The following MGAM variants were observed in gnomAD, a reference collection of about 807,000 sequenced individuals.
The protein encoded by MGAM is maltase-glucoamylase.
Under a neutral mutation model 358.8 loss-of-function variants are expected in MGAM, and 253 were observed. That is an observed-to-expected ratio of 0.71 (90% confidence interval 0.64 to 0.78). MGAM has a LOEUF of 0.78. Ranked by LOEUF, MGAM falls within the 30% of genes least tolerant of loss-of-function variation. The pLI is 0.00. For synonymous variants in MGAM, 1,105 were observed against 1,227.1 expected, an observed-to-expected ratio of 0.90 and a Z score of 2.08; for missense variants, 3,080 against 3,432.6, an observed-to-expected ratio of 0.90 and a Z score of 2.57.
Position 142,092,009 on chromosome 7 carries a change from A to G in MGAM, c.6907A>G (p.Asn2303Asp). 6.5e-7 allele frequency: 1 copy of G among 1,535,468 alleles called. No homozygotes were observed. The highest frequency in any genetic ancestry group is 8.9e-7 in the Non-Finnish European group (1 of 1,121,262). Residue 2303 changes from asparagine to aspartate, a missense_variant, in exon 58 of 71, where the codon AAT (asparagine) becomes GAT (aspartate). Asn to Asp is a conservative substitution (Grantham distance 23). Coordinates refer to ENST00000475668, the MANE Select transcript of MGAM (RefSeq NM_001365693.1). ...AGAAGAACTATACAACAATCCACAGAATCCAGAGAGGAGCTTGAAGTTTGA... is the reference window on the plus strand; with the variant it reads ...AGAAGAACTATACAACAATCCACAGGATCCAGAGAGGAGCTTGAAGTTTGA... ...EIEELYNNPQ[N>D]PERSLKFDGM...
intron 70 of MGAM, among the ~76,000 whole-genome samples, chr7:142,105,462 A>AT (rs1331790569): frequency 9.2e-5 from 14 of 151,904 alleles, no homozygotes; most frequent in Admixed American, 9.2e-4. Context: ...TAATTTTTGT[A>AT]TTTTTATTAG....
chr7:142,084,490 A>C (rs1373506337), intron 53 of MGAM, 29 bp from the exon 54 acceptor site: 1 of 1,549,198 alleles, frequency 6.5e-7, no homozygotes, highest in East Asian at 2.3e-5. Flanking sequence ...CTCTGTTCTG[A>C]GGACTAATAT....
chr7:142,008,201 C>T (rs1554453087), intron 2 of MGAM, among the ~76,000 whole-genome samples: 1 of 152,148 alleles, frequency 6.6e-6, no homozygotes, highest in Non-Finnish European at 1.5e-5. Context: ...GTTACTGACC[C>T]CTAGACTAAA....
At position 142,076,239 on chromosome 7, in the gene MGAM, T is replaced by C. The variant is rs766754623; in HGVS notation, c.5312T>C (p.Phe1771Ser). ...VAKKVYLLCEFSVTQNHLEVT... is the reference protein window; with the variant it reads ...VAKKVYLLCESSVTQNHLEVT... ...AAGAAAGTATATCTTTTATGTGAGT[T>C]TTCTGTCACTCAAGTGAGTAGCATA... Residue 1771 changes from phenylalanine (F) to serine (S), a missense_variant, in exon 46 of 71, where the codon TTT (phenylalanine) becomes TCT (serine). By Grantham distance (155) the Phe-to-Ser change is radical (BLOSUM62 -2). Transcript: ENST00000475668. 1.9e-5 allele frequency: 30 copies of C among 1,544,328 alleles called. 1 individual carries two copies. The African/African-American group carries it at 3.9e-4, about 20-fold the overall frequency.
intron 2 of MGAM, among the ~76,000 whole-genome samples, chr7:141,986,820 C>T (rs1045137933): frequency 1.3e-5 from 2 of 152,116 alleles, no homozygotes; most frequent in African/African-American, 2.4e-5. Flanking sequence ...ATGACCCTCT[C>T]AATATGCCAC....
chr7:142,050,471 A>G (rs1481513814), intron 23 of MGAM, among the ~76,000 whole-genome samples, 187 bp downstream of exon 23: 1 of 152,212 alleles, frequency 6.6e-6, no homozygotes, highest in African/African-American at 2.4e-5. Context: ...TATAGCAGCT[A>G]GTGTTTCTGA....
chr7:142,095,719 T>C lies in MGAM; in HGVS notation c.7607+6T>C. 1.9e-6 allele frequency: 3 copies of C among 1,612,872 alleles called. No homozygotes were observed. Among genetic ancestry groups the C allele is most frequent in the Non-Finnish European group, 1.7e-6 (2 of 1,179,524 alleles). On this transcript the variant is annotated splice_donor_region_variant and intron_variant, in intron 64 of 70. Coordinates refer to ENST00000475668, the MANE Select transcript of MGAM (RefSeq NM_001365693.1). Reference sequence around the variant, plus strand: ...GTGCGGCCTCTGCTCCATGAGTGAGTGTCCAGCAGGGATCCCAATGCCTAA... The same window carrying C: ...GTGCGGCCTCTGCTCCATGAGTGAGCGTCCAGCAGGGATCCCAATGCCTAA...
In MGAM at chr7:142,032,907, C is replaced by T. The variant is rs1554464350; in HGVS notation, c.1667C>T (p.Pro556Leu). 1.2e-6 allele frequency: 2 copies of T among 1,602,454 alleles called. No homozygotes were observed. The highest frequency in any genetic ancestry group is 1.7e-5 in the Admixed American group (1 of 59,556). ...AACCTAAATAATCCCCCATTCACTC[C>T]CAGTAAGTCTTGGTGGTCAGCAGAT... ...TNNLNNPPFT[P>L]RILDGYLFCK... is the part of the protein sequence containing the mutation. The change falls in exon 14 of 71, where the codon CCC becomes CTC. Residue 556 changes from proline to leucine, a missense_variant and splice_region_variant. Coordinates refer to ENST00000475668, the MANE Select transcript of MGAM (RefSeq NM_001365693.1).
intron 34 of MGAM, 145 bp downstream of exon 34, chr7:142,060,518 A>G (rs111697831): frequency 0.016 from 15,241 of 932,700 alleles, 275 homozygotes; most frequent in East Asian, 0.15. Context: ...GTCATTCTGT[A>G]TGCCTATTAC....
At chr7:141,996,678 A>G (rs770751208) in intron 1 of MGAM, among the ~76,000 whole-genome samples, 7 of 152,200 alleles carry the variant, frequency 4.6e-5, no homozygotes, top group Non-Finnish European at 8.8e-5. Context: ...TAACTGAAGA[A>G]CCAATTATAA....
Position 142,076,698 on chromosome 7 carries a change from G to A in MGAM, c.5365G>A (p.Asp1789Asn). The part of the protein sequence containing the change: ...EVTISQSTYK[D>N]PNNLAFNEIK... ...GACTATTTCACAATCAACCTACAAG[G>A]ACCCCAATAATTTAGCATTCAATGA... Residue 1789 changes from aspartate to asparagine, a missense_variant, in exon 47 of 71, where the codon GAC becomes AAC. Physicochemically the swap from Asp to Asn is conservative, Grantham distance 23. Transcript: ENST00000475668. The A allele has an allele frequency of 6.4e-7, 1 of 1,551,808 alleles. No individual in the cohort carries two copies. Among genetic ancestry groups the A allele is most frequent in the South Asian group, 1.1e-5 (1 of 88,958 alleles).
At position 142,076,453 on chromosome 7, in the gene MGAM, T is replaced by G. The variant is rs764263129; in HGVS notation, c.5325+201T>G. ...AAGTAGTGTTTCTAAATATAGTTTT[T>G]AATTATCTGTGTGTTTTTATGATTG... On this transcript the variant is annotated intron_variant, in intron 46 of 70. Coordinates refer to ENST00000475668, the MANE Select transcript of MGAM (RefSeq NM_001365693.1). 3.5e-6 allele frequency: 3 copies of G among 855,750 alleles called. No homozygotes were observed. In the African/African-American group the frequency reaches 5.0e-5, roughly 14 times the overall value. 53.0% of individuals were successfully genotyped at this position (855,750 alleles called of 1,614,324 possible).
At chr7:142,035,602 C>A (rs576271284) in intron 16 of MGAM, among the ~76,000 whole-genome samples, 2 of 152,046 alleles carry the variant, frequency 1.3e-5, no homozygotes, top group African/African-American at 4.8e-5. Context: ...TTCATTTTAA[C>A]ACTGAGAAAT....
rs1000755527 is a variant in MGAM at position 142,071,027 on chromosome 7, A to G, written c.5095A>G (p.Thr1699Ala). The G allele has an allele frequency of 3.2e-6, 5 of 1,555,836 alleles. No homozygotes were observed. In the African/African-American group the frequency reaches 6.7e-5, roughly 21 times the overall value. The change falls in exon 44 of 71, where the codon ACC (threonine) becomes GCC (alanine). Residue 1699 changes from threonine to alanine, a missense_variant. Thr to Ala is a moderately conservative substitution (Grantham distance 58). This residue lies in a region of MGAM where 932 missense variants were observed against 1,198.2 expected (regional missense o/e 0.78). Coordinates refer to ENST00000475668, the MANE Select transcript of MGAM (RefSeq NM_001365693.1). ...VDINARGEWK[T>A]LPAPLDHINL... ...TATTAATGCAAGAGGAGAGTGGAAG[A>G]CCTTGCCAGCCCCTCTTGACCACAT... is the stretch of plus-strand genomic sequence containing the variant.
In MGAM at chr7:142,054,837, A is replaced by G; in HGVS notation, c.3243A>G (p.Gln1081=). Residue 1081 remains glutamine (Q), a synonymous_variant, in exon 27 of 71, where the codon CAA becomes CAG. Coordinates refer to ENST00000475668, the MANE Select transcript of MGAM (RefSeq NM_001365693.1). ...PSMPSSTPEG[Q]LYDVLIKKNP... ...TGCCATCCAGCACCCCTGAGGGTCA[A>G]CTCTATGATGTGCTCATTAAGAAGA... The G allele has an allele frequency of 6.2e-7, 1 of 1,613,972 alleles. No homozygotes were observed. The highest frequency in any genetic ancestry group is 1.3e-5 in the African/African-American group (1 of 75,026).
chr7:141,995,322 T>C (rs116575166), upstream of MGAM, among the ~76,000 whole-genome samples: 3,557 of 152,014 alleles, frequency 0.023, 147 homozygotes, highest in African/African-American at 0.082. Context: ...TCTTGTTAGA[T>C]TTCTCTTATT....
chr7:141,987,585 C>T (rs1023449630), intron 2 of MGAM, among the ~76,000 whole-genome samples: 5 of 151,222 alleles, frequency 3.3e-5, no homozygotes, highest in East Asian at 2.0e-4. Context: ...CAGGTGTCAG[C>T]GAGGCACAGG....
At chr7:142,084,713 T>C (rs1434173307) in intron 54 of MGAM, 69 bp downstream of exon 54, 2 of 1,502,970 alleles carry the variant, frequency 1.3e-6, no homozygotes, top group African/African-American at 2.7e-5. Context: ...GCTTCATTTG[T>C]CTAATGTTTG....
chr7:142,094,642 C>T lies in MGAM; in HGVS notation c.7329C>T (p.Phe2443=), dbSNP rs114816880. The change falls in exon 62 of 71, where the codon TTC becomes TTT. Residue 2443 remains phenylalanine (F), a synonymous_variant. Coordinates refer to ENST00000475668, the MANE Select transcript of MGAM (RefSeq NM_001365693.1). ...CAGGCATGATGGAGTTCAGCCTCTTCGGCATATCCTATGTGAGTGTCCTTG... is the reference window on the plus strand; with the variant it reads ...CAGGCATGATGGAGTTCAGCCTCTTTGGCATATCCTATGTGAGTGTCCTTG... The part of the protein sequence containing the change: ...SIIGMMEFSL[F]GISYTGADIC... 8,440 of 1,610,972 alleles carry T rather than the reference C, an allele frequency of 5.2e-3. 161 individuals are homozygous for T. The African/African-American group carries it at 0.063, about 12-fold the overall frequency.
Sources: allele counts gnomAD v4.1 joint callset (sites outside exome capture counted in the v4.1 genomes callset), GRCh38; gene constraint gnomAD v4.1.1; regional missense constraint gnomAD v4.1.1; transcripts MANE v1.5; gene names NCBI Gene and HGNC (gene_info 2026-07-23, HGNC 2026-07-21).